Variants in GPR158 observed in about 807,000 individuals in gnomAD.
The protein encoded by GPR158 is G protein-coupled receptor 158, also known as metabotropic glycine receptor.
Under a neutral mutation model 78.2 loss-of-function variants are expected in GPR158, and 30 were observed. The observed-to-expected ratio is 0.38, with a 90% CI of 0.29 to 0.52. The LOEUF is 0.52. GPR158 is among the 20% of genes least tolerant of loss of function. GPR158 has a pLI of 0.83. For synonymous variants in GPR158, 581 were observed against 591.1 expected, an observed-to-expected ratio of 0.98 and a Z score of 0.25; for missense variants, 1,463 against 1,523.5, an observed-to-expected ratio of 0.96 and a Z score of 0.66.
chr10:25,479,173 A>G (rs990323054), intron 5 of GPR158, among the ~76,000 whole-genome samples: 2 of 152,074 alleles, frequency 1.3e-5, no homozygotes, highest in African/African-American at 4.8e-5. Context: ...GTATTTTACG[A>G]TAAGCATTAT....
intron 3 of GPR158, among the ~76,000 whole-genome samples, chr10:25,409,754 C>T (rs184953700): frequency 1.3e-5 from 2 of 152,236 alleles, no homozygotes; most frequent in African/African-American, 2.4e-5. Context: ...TCCAATGGCT[C>T]ATTTTTCCTG....
chr10:25,193,846 T>C (rs1852808144), intron 1 of GPR158, among the ~76,000 whole-genome samples: 1 of 151,252 alleles, frequency 6.6e-6, no homozygotes. Flanking sequence ...CATTCTCAAG[T>C]TTAAATGAAT....
At chr10:25,519,742 C>A (rs11516854) in intron 5 of GPR158, among the ~76,000 whole-genome samples, 2,883 of 111,534 alleles carry the variant, frequency 0.026, 78 homozygotes, top group Non-Finnish European at 0.036. Context: ...CTGAGAGATC[C>A]GCTGTTAGTC....
rs531807262 is a variant in GPR158 at position 25,296,491 on chromosome 10, A to AATCT, written c.1008+75341_1008+75344dup. Among the ~76,000 whole-genome samples, 11 of 151,562 alleles carry AATCT rather than the reference A, an allele frequency of 7.3e-5. No homozygotes were observed. In the East Asian group the frequency reaches 2.1e-3, roughly 29 times the overall value. ...TCTGTCTGTCTTTCTATCTATATCT[A>AATCT]ATCTATCTATTGATTGATTGATTGA... On this transcript the variant is annotated intron_variant, in intron 2 of 10. Coordinates refer to ENST00000376351, the MANE Select transcript of GPR158 (RefSeq NM_020752.3).
chr10:25,592,757 G>C (rs149490038), intron 8 of GPR158, among the ~76,000 whole-genome samples: 73 of 151,964 alleles, frequency 4.8e-4, no homozygotes, highest in African/African-American at 1.2e-3. Flanking sequence ...ATCCTTTTAT[G>C]AATGTCTCCT....
chr10:25,510,883 C>G (rs1209121019), intron 5 of GPR158, among the ~76,000 whole-genome samples: 2 of 152,112 alleles, frequency 1.3e-5, no homozygotes, highest in East Asian at 3.9e-4. Context: ...TATTTTGTTC[C>G]TTGTTATGGC....
intron 2 of GPR158, among the ~76,000 whole-genome samples, chr10:25,339,903 G>T (rs571917404): frequency 6.6e-6 from 1 of 152,176 alleles, no homozygotes; most frequent in African/African-American, 2.4e-5. Context: ...GGTTCATTTT[G>T]CTTCGCATAT....
At chr10:25,270,358 T>G (rs1031393814) in intron 2 of GPR158, among the ~76,000 whole-genome samples, 2 of 152,092 alleles carry the variant, frequency 1.3e-5, no homozygotes, top group African/African-American at 4.8e-5. Flanking sequence ...GCAGGGGAAC[T>G]GAATATGGAA....
intron 2 of GPR158, among the ~76,000 whole-genome samples, chr10:25,359,430 C>T (rs1401737490): frequency 6.6e-6 from 1 of 151,990 alleles, no homozygotes; most frequent in East Asian, 1.9e-4. Flanking sequence ...CCTGACAGGC[C>T]TGAGTATATG....
At chr10:25,533,664 A>G (rs1836454092) in intron 5 of GPR158, among the ~76,000 whole-genome samples, 1 of 152,190 alleles carries the variant, frequency 6.6e-6, no homozygotes, top group African/African-American at 2.4e-5. Flanking sequence ...GTTCAGTTCA[A>G]CCCTGCCTTG....
intron 1 of GPR158, among the ~76,000 whole-genome samples, chr10:25,202,161 T>C (rs1852938734): frequency 6.6e-6 from 1 of 152,176 alleles, no homozygotes; most frequent in South Asian, 2.1e-4. Context: ...ATACTTTTTA[T>C]ACTGATTTAA....
chr10:25,324,781 T>C (rs895997113), intron 2 of GPR158, among the ~76,000 whole-genome samples: 2 of 151,372 alleles, frequency 1.3e-5, no homozygotes, highest in African/African-American at 4.8e-5. Context: ...AGATGGACAA[T>C]AAATAATAAG....
intron 1 of GPR158, among the ~76,000 whole-genome samples, chr10:25,213,021 C>A (rs1046523899): frequency 2.0e-5 from 3 of 151,992 alleles, no homozygotes; most frequent in African/African-American, 2.4e-5. Context: ...GCTTTTTGTT[C>A]TTTGATCTGG....
chr10:25,310,290 G>T (rs1382753388), intron 2 of GPR158, among the ~76,000 whole-genome samples: 1 of 152,118 alleles, frequency 6.6e-6, no homozygotes, highest in East Asian at 1.9e-4. Context: ...AAAACCGTTG[G>T]ATTCCCATAC....
At chr10:25,369,756 C>T (rs1453175344) in intron 2 of GPR158, among the ~76,000 whole-genome samples, 1 of 151,670 alleles carries the variant, frequency 6.6e-6, no homozygotes, top group Non-Finnish European at 1.5e-5. Flanking sequence ...CCAGTTCCTC[C>T]TTATACCTCT....
At position 25,412,186 on chromosome 10, in the gene GPR158, C is replaced by G. The variant is rs560076818; in HGVS notation, c.1112-64C>G. The G allele has an allele frequency of 8.1e-4, 893 of 1,096,714 alleles. 15 individuals are homozygous for G. In the South Asian group the frequency reaches 8.4e-3, roughly 10 times the overall value. The allele number at this position is 1,096,714 out of a possible 1,614,324, so 67.9% of individuals were successfully genotyped here. Reference sequence around the variant, plus strand: ...GAGGAGTCACGGATGTCTTTTGACTCTATACTCAATCTTACCTACCTAAGA... The same window carrying G: ...GAGGAGTCACGGATGTCTTTTGACTGTATACTCAATCTTACCTACCTAAGA... On this transcript the variant is annotated intron_variant, in intron 3 of 10. Transcript: ENST00000376351.
At chr10:25,485,395 C>G (rs991002933) in intron 5 of GPR158, among the ~76,000 whole-genome samples, 4 of 151,800 alleles carry the variant, frequency 2.6e-5, no homozygotes, top group Non-Finnish European at 5.9e-5. Context: ...TAAATAGAAT[C>G]ATATAAATAA....
intron 7 of GPR158, among the ~76,000 whole-genome samples, chr10:25,580,903 TTTTTATTTTA>T (rs894726418): frequency 7.7e-5 from 9 of 116,270 alleles, no homozygotes; most frequent in South Asian, 2.8e-4. Flanking sequence ...TTTTTTTATT[TTTTTATTTTA>T]TTTTATTTTA....
intron 7 of GPR158, among the ~76,000 whole-genome samples, chr10:25,583,157 G>C (rs1588923390): frequency 6.6e-6 from 1 of 152,138 alleles, no homozygotes; most frequent in South Asian, 2.1e-4. Context: ...GAGCTGGAAA[G>C]GGAACACATA....
Sources: gnomAD v4.1 joint callset for allele counts (sites outside exome capture counted in the v4.1 genomes callset) on GRCh38, gnomAD v4.1.1 for gene constraint, MANE v1.5 for transcripts, NCBI Gene and HGNC (gene_info 2026-07-23, HGNC 2026-07-21) for gene names.